Variants in REV3L observed in about 807,000 individuals in gnomAD.
REV3L encodes DNA polymerase zeta catalytic subunit.
REV3L carries 69 observed loss-of-function variants against 299.4 expected under a neutral mutation model. That is an observed-to-expected ratio of 0.23 (90% confidence interval 0.19 to 0.28). REV3L has a LOEUF of 0.28. Among genes scored for constraint, REV3L ranks in the 10% least tolerant of loss-of-function variants. The probability of loss-of-function intolerance (pLI) is 1.00; values close to 1 mark genes in which losing one functional copy is unlikely to be tolerated. For missense variants in REV3L, 3,128 were observed against 3,693.8 expected (o/e 0.85, Z 3.97); for synonymous variants, 1,238 against 1,271.4 (o/e 0.97, Z 0.56).
Position 111,307,519 on chromosome 6 carries a change from T to C in REV3L, c.9094A>G (p.Thr3032Ala). The C allele has an allele frequency of 6.2e-7, 1 of 1,614,226 alleles. No homozygotes were observed. The highest frequency in any genetic ancestry group is 8.5e-7 in the Non-Finnish European group (1 of 1,180,036). The change falls in exon 31 of 32, where the codon ACT (threonine) becomes GCT (alanine). Residue 3032 changes from threonine (T) to alanine (A), a missense_variant. Physicochemically the swap from Thr to Ala is moderately conservative, Grantham distance 58. Around this residue, in one of 9 missense-constraint regions of REV3L, gnomAD observed 294 missense variants for 377.0 expected, o/e 0.78. Transcript: ENST00000368802. ...SRSEPEGRKG[T>A]ISQYFTTLHC... ...AAGGTAGTAAAATATTGTGAAATAGTGCCTTTCCGCCCTTCAGGTTCACTT... is the reference window on the plus strand; with the variant it reads ...AAGGTAGTAAAATATTGTGAAATAGCGCCTTTCCGCCCTTCAGGTTCACTT...
chr6:111,453,419 C>T (rs571948907), intron 1 of REV3L, among the ~76,000 whole-genome samples: 2 of 152,156 alleles, frequency 1.3e-5, no homozygotes, highest in South Asian at 2.1e-4. Flanking sequence ...TTCATGGAGA[C>T]GTAGGGGGCT....
At chr6:111,457,111 C>T (rs1417664897) in intron 1 of REV3L, among the ~76,000 whole-genome samples, 1 of 151,946 alleles carries the variant, frequency 6.6e-6, no homozygotes. Flanking sequence ...AATTAACACA[C>T]TCCAGAAAAA....
chr6:111,451,910 C>G (rs2128317331), intron 1 of REV3L, among the ~76,000 whole-genome samples: 1 of 149,098 alleles, frequency 6.7e-6, no homozygotes, highest in East Asian at 1.9e-4. Context: ...TCAAAAGATA[C>G]CACTAGAAAA....
At position 111,462,224 on chromosome 6, in the gene REV3L, GATGGAAATCTC is replaced by G. The variant is rs897538540; in HGVS notation, c.139+20515_139+20525del. On this transcript the variant is annotated intron_variant, in intron 1 of 31. Coordinates refer to ENST00000368802, the MANE Select transcript of REV3L (RefSeq NM_001372078.1). ...TTATTAATAAGTGATACAATGGAGA[GATGGAAATCTC>G]ATGTCTATTGCTAATATGTATGAAA... is the stretch of plus-strand genomic sequence containing the variant. 2.5e-4 allele frequency among the ~76,000 whole-genome samples: 38 copies of G among 152,250 alleles called. 1 individual carries two copies. Among genetic ancestry groups the G allele is most frequent in the African/African-American group, 8.9e-4 (37 of 41,556 alleles).
At chr6:111,431,941 T>C (rs1465198545) in intron 1 of REV3L, among the ~76,000 whole-genome samples, 1 of 152,120 alleles carries the variant, frequency 6.6e-6, no homozygotes, top group Non-Finnish European at 1.5e-5. Flanking sequence ...TATTAGGTAA[T>C]AAAGCGGGAC....
intron 25 of REV3L, among the ~76,000 whole-genome samples, chr6:111,326,611 C>CG (rs1388280145): frequency 6.7e-6 from 1 of 148,450 alleles, no homozygotes; most frequent in Non-Finnish European, 1.5e-5. Flanking sequence ...ATATACCCCC[C>CG]CCAAAAAAAA....
At chr6:111,431,059 C>T (rs1562301325) in intron 1 of REV3L, 4 of 1,514,786 alleles carry the variant, frequency 2.6e-6, no homozygotes, top group Non-Finnish European at 3.7e-6. Context: ...TTATGCACCG[C>T]ATTATGACTC....
intron 13 of REV3L, among the ~76,000 whole-genome samples, chr6:111,368,530 T>TA (rs916500877): frequency 5.9e-5 from 9 of 151,910 alleles, no homozygotes; most frequent in East Asian, 5.8e-4. Context: ...CCTTAAACAT[T>TA]AAAAAAAATA....
intron 1 of REV3L, among the ~76,000 whole-genome samples, chr6:111,464,548 C>T (rs1791189329): frequency 6.6e-6 from 1 of 151,766 alleles, no homozygotes; most frequent in Admixed American, 6.6e-5. Context: ...CAACAACATA[C>T]ATATAGGAAG....
chr6:111,404,434 C>T (rs1194624936), intron 4 of REV3L, among the ~76,000 whole-genome samples: 1 of 152,212 alleles, frequency 6.6e-6, no homozygotes, highest in Non-Finnish European at 1.5e-5. Context: ...GCTAACACAA[C>T]ATCCGTTCTG....
rs17539805 is a variant in REV3L at position 111,358,728 on chromosome 6, T to A, written c.7072+94A>T. ...CAAACATTTTAGAAAAGAGTCATCA[T>A]GCTTGCTTAGATTAGATCTTCAGCA... On this transcript the variant is annotated intron_variant, in intron 17 of 31. Transcript: ENST00000368802. The A allele has an allele frequency of 1.6e-5, 15 of 952,448 alleles. No individual in the cohort carries two copies. In the African/African-American group the frequency reaches 2.5e-4, roughly 16 times the overall value. The allele number at this position is 952,448 out of a possible 1,614,324, so 59.0% of individuals were successfully genotyped here. A position where few individuals can be genotyped will look rare whatever the true frequency, so the allele number is the denominator to read the frequency against.
intron 1 of REV3L, among the ~76,000 whole-genome samples, chr6:111,426,081 A>G (rs1407470706): frequency 6.6e-6 from 1 of 152,200 alleles, no homozygotes; most frequent in Non-Finnish European, 1.5e-5. Context: ...AGCCTCAGGT[A>G]GGGCAGAAGT....
rs764793871 is a variant in REV3L, at chr6:111,374,657, G to A, written c.3698C>T (p.Ser1233Phe). ...HTTLKDEKIK[S>F]QSGAEVKFVL... ...AAACTTAACCTCAGCACCAGACTGAGATTTTATTTTTTCATCCTTAAGTGT... is the reference window on the plus strand; with the variant it reads ...AAACTTAACCTCAGCACCAGACTGAAATTTTATTTTTTCATCCTTAAGTGT... Residue 1233 changes from serine to phenylalanine, a missense_variant, in exon 13 of 32, where the codon TCT (serine) becomes TTT (phenylalanine). Ser to Phe is a radical substitution (Grantham distance 155). Transcript: ENST00000368802. 5.6e-6 allele frequency: 9 copies of A among 1,613,544 alleles called. No individual in the cohort carries two copies. Among genetic ancestry groups the A allele is most frequent in the South Asian group, 2.2e-5 (2 of 90,952 alleles).
intron 1 of REV3L, among the ~76,000 whole-genome samples, chr6:111,462,104 T>C (rs975852200): frequency 1.5e-4 from 23 of 152,056 alleles, no homozygotes; most frequent in Admixed American, 3.3e-4. Flanking sequence ...AGAAAAAATA[T>C]GTTGGGAGAC....
intron 1 of REV3L, among the ~76,000 whole-genome samples, chr6:111,465,464 T>C (rs1313848110): frequency 6.6e-6 from 1 of 151,772 alleles, no homozygotes; most frequent in East Asian, 2.0e-4. Flanking sequence ...CTGAGCGCAG[T>C]GGCTCACACC....
At chr6:111,369,590 G>C (rs934883772) in intron 13 of REV3L, among the ~76,000 whole-genome samples, 1 of 151,888 alleles carries the variant, frequency 6.6e-6, no homozygotes, top group Non-Finnish European at 1.5e-5. Context: ...CATATGCAGC[G>C]ATTAAAATAT....
At position 111,307,806 on chromosome 6, in the gene REV3L, T is replaced by A. The variant is rs977686748; in HGVS notation, c.9043-236A>T. On this transcript the variant is annotated intron_variant, in intron 30 of 31. Coordinates refer to ENST00000368802, the MANE Select transcript of REV3L (RefSeq NM_001372078.1). ...AATATTATCAGATACATTTTTTTTT[T>A]ATTATTATAATTTAAGTTCTAGGGT... is the stretch of plus-strand genomic sequence containing the variant. 9.0e-5 allele frequency: 43 copies of A among 476,486 alleles called. 1 individual carries two copies. In the South Asian group the frequency reaches 1.0e-3, roughly 11 times the overall value. The allele number at this position is 476,486 out of a possible 1,614,324, so 29.5% of individuals were successfully genotyped here.
intron 1 of REV3L, among the ~76,000 whole-genome samples, chr6:111,480,838 G>GTT (rs56230820): frequency 8.4e-4 from 92 of 109,026 alleles, no homozygotes; most frequent in Non-Finnish European, 1.3e-3. Flanking sequence ...TTTCGTTTTT[G>GTT]TTTTTTTTTT....
At chr6:111,408,742 TG>T (rs1225196291) in intron 3 of REV3L, among the ~76,000 whole-genome samples, 1 of 152,216 alleles carries the variant, frequency 6.6e-6, no homozygotes, top group Non-Finnish European at 1.5e-5. Flanking sequence ...AGAAATGCAG[TG>T]GTGCGATCTC....
Sources: gnomAD v4.1 joint callset for allele counts (sites outside exome capture counted in the v4.1 genomes callset) on GRCh38, gnomAD v4.1.1 for gene constraint, gnomAD v4.1.1 regional missense constraint, MANE v1.5 for transcripts, NCBI Gene and HGNC (gene_info 2026-07-23, HGNC 2026-07-21) for gene names.